Variants in TULP4 observed in about 807,000 individuals in gnomAD.
The protein encoded by TULP4 is TUB like protein 4.
Under a neutral mutation model 129.0 loss-of-function variants are expected in TULP4, and 16 were observed. The ratio of observed to expected loss-of-function variants is 0.12; its 90% CI spans 0.08 to 0.19. The LOEUF is 0.19. Among genes scored for constraint, TULP4 ranks in the 10% least tolerant of loss-of-function variants. The pLI is 1.00. For missense variants in TULP4, 1,842 were observed against 2,059.1 expected, an observed-to-expected ratio of 0.89 and a Z score of 2.04; for synonymous variants, 998 against 854.0, an observed-to-expected ratio of 1.17 and a Z score of -2.94.
At chr6:158,436,484 A>T (rs990835044) in intron 3 of TULP4, among the ~76,000 whole-genome samples, 1 of 152,186 alleles carries the variant, frequency 6.6e-6, no homozygotes, top group Non-Finnish European at 1.5e-5. Flanking sequence ...TGAAAACATG[A>T]TTATATTTTA....
chr6:158,296,331 G>A (rs553769873), intron 1 of TULP4, among the ~76,000 whole-genome samples: 21 of 151,078 alleles, frequency 1.4e-4, no homozygotes, highest in East Asian at 3.9e-4. Context: ...CATAAGTGTC[G>A]GCCAGCTGAG....
intron 1 of TULP4, among the ~76,000 whole-genome samples, chr6:158,354,210 G>A (rs1341163689): frequency 2.6e-5 from 2 of 76,872 alleles, no homozygotes; most frequent in Non-Finnish European, 5.3e-5. Flanking sequence ...CTCCTTGGAG[G>A]AAGGTATTTA....
At chr6:158,274,503 G>A (rs753668769) in intron 1 of TULP4, among the ~76,000 whole-genome samples, 7 of 152,120 alleles carry the variant, frequency 4.6e-5, no homozygotes, top group East Asian at 3.9e-4. Flanking sequence ...GCGGCCGGGC[G>A]CAGTGGCTCA....
At chr6:158,439,947 G>A (rs532287548) in intron 3 of TULP4, among the ~76,000 whole-genome samples, 19 of 151,482 alleles carry the variant, frequency 1.3e-4, no homozygotes, top group Non-Finnish European at 2.4e-4. Flanking sequence ...TCCTGACCTC[G>A]TGATCTGCCC....
At chr6:158,339,558 T>G (rs1224087873) in intron 1 of TULP4, among the ~76,000 whole-genome samples, 2 of 152,136 alleles carry the variant, frequency 1.3e-5, no homozygotes, top group Admixed American at 6.5e-5. Flanking sequence ...GGGTGGCCAT[T>G]TTAGAGGCCC....
intron 6 of TULP4, among the ~76,000 whole-genome samples, chr6:158,474,046 C>T (rs1273482603): frequency 6.6e-6 from 1 of 150,636 alleles, no homozygotes; most frequent in Non-Finnish European, 1.5e-5. Flanking sequence ...GTCTTGAATT[C>T]CTTGCCTCAA....
chr6:158,403,083 C>T (rs970988717), intron 1 of TULP4, among the ~76,000 whole-genome samples: 4 of 152,224 alleles, frequency 2.6e-5, no homozygotes, highest in Non-Finnish European at 5.9e-5. Flanking sequence ...CATCAATTGC[C>T]GGAACGCTGA....
At chr6:158,401,335 A>G (rs1777843534) in intron 1 of TULP4, among the ~76,000 whole-genome samples, 1 of 152,232 alleles carries the variant, frequency 6.6e-6, no homozygotes, top group South Asian at 2.1e-4. Context: ...CGGCCTCCCA[A>G]AGTGGTAGAA....
At chr6:158,396,001 C>T (rs977140019) in intron 1 of TULP4, among the ~76,000 whole-genome samples, 1 of 152,094 alleles carries the variant, frequency 6.6e-6, no homozygotes, top group Non-Finnish European at 1.5e-5. Context: ...AGCTCTTGAC[C>T]CAGATTGCCT....
At position 158,448,981 on chromosome 6, in the gene TULP4, C is replaced by T; in HGVS notation, c.544-15C>T. The T allele has an allele frequency of 6.3e-7, 1 of 1,594,446 alleles. No individual in the cohort carries two copies. Among genetic ancestry groups the T allele is most frequent in the Non-Finnish European group, 8.6e-7 (1 of 1,166,726 alleles). Reference sequence around the variant, plus strand: ...TTGCTGCCACTTGGTCAGAGGTCCCCATCCTGGATTGCAGGTGCTGTTTGG... The same window carrying T: ...TTGCTGCCACTTGGTCAGAGGTCCCTATCCTGGATTGCAGGTGCTGTTTGG... On this transcript the variant is annotated splice_polypyrimidine_tract_variant and intron_variant, in intron 3 of 13. Coordinates refer to ENST00000367097, the MANE Select transcript of TULP4 (RefSeq NM_020245.5).
chr6:158,461,703 A>G lies in TULP4; in HGVS notation c.1000A>G (p.Ile334Val), dbSNP rs1262375941. Residue 334 changes from isoleucine (I) to valine (V), a missense_variant, in exon 6 of 14, where the codon ATC (isoleucine) becomes GTC (valine). Physicochemically the swap from Ile to Val is conservative, Grantham distance 29 (BLOSUM62 3). Transcript: ENST00000367097. The part of the protein sequence containing the change: ...VKFYNVRGEH[I>V]FTLDTLVQRP... ...GTTCTACAATGTTCGTGGGGAGCACATCTTCACACTGGACACTCTCGTGCA... is the reference window on the plus strand; with the variant it reads ...GTTCTACAATGTTCGTGGGGAGCACGTCTTCACACTGGACACTCTCGTGCA... 8 of 1,614,232 alleles carry G rather than the reference A, an allele frequency of 5.0e-6. No homozygotes were observed. Among genetic ancestry groups the G allele is most frequent in the Non-Finnish European group, 6.8e-6 (8 of 1,180,044 alleles).
At chr6:158,343,442 A>G (rs1780232003) in intron 1 of TULP4, among the ~76,000 whole-genome samples, 1 of 152,182 alleles carries the variant, frequency 6.6e-6, no homozygotes, top group African/African-American at 2.4e-5. Context: ...AATTCAGCTT[A>G]AACCTTAACC....
chr6:158,507,403 C>A lies in TULP4; in HGVS notation c.*709C>A, dbSNP rs1780630281. On this transcript the variant is annotated 3_prime_UTR_variant, in exon 14 of 14. Coordinates refer to ENST00000367097, the MANE Select transcript of TULP4 (RefSeq NM_020245.5). The stretch of plus-strand genomic sequence containing the variant: ...CTCTGCAGACAGCAATGTGACTCAG[C>A]GTGTGACTTGTAGCAGCAGTACGAG... 6.6e-6 allele frequency: 1 copy of A among 152,370 alleles called. No homozygotes were observed. The highest frequency in any genetic ancestry group is 2.1e-4 in the South Asian group (1 of 4,840). 9.4% of individuals were successfully genotyped at this position (152,370 alleles called of 1,614,324 possible).
chr6:158,261,524 C>T (rs1443732923), intron 1 of TULP4, among the ~76,000 whole-genome samples: 4 of 152,242 alleles, frequency 2.6e-5, no homozygotes, highest in Admixed American at 2.0e-4. Context: ...TCTTGGGCTT[C>T]AAGGGTAAGA....
chr6:158,332,928 T>TAC (rs960265430), intron 1 of TULP4, among the ~76,000 whole-genome samples: 3 of 152,180 alleles, frequency 2.0e-5, no homozygotes, highest in South Asian at 2.1e-4. Flanking sequence ...TAAACTGACA[T>TAC]ACACACACAC....
chr6:158,385,842 C>CTTTTTTTTTTTTTTTTTTT (rs778595442), intron 1 of TULP4, among the ~76,000 whole-genome samples: 1,364 of 59,544 alleles, frequency 0.023, 348 homozygotes, highest in Non-Finnish European at 0.031. Context: ...TGTGGAATAT[C>CTTTTTTTTTTTTTTTTTTT]TTTTTTTTTT....
rs1355213958 is a variant in TULP4 at position 158,502,712 on chromosome 6, G to A, written c.3049G>A (p.Gly1017Ser). The A allele has an allele frequency of 1.9e-6, 3 of 1,561,622 alleles. No homozygotes were observed. The African/African-American group carries it at 4.0e-5, about 21-fold the overall frequency. ...APLQPLAKSKGGPGGVVTQLP... is the reference protein window; with the variant it reads ...APLQPLAKSKSGPGGVVTQLP... ...CCTGCAGCCCCTGGCCAAGTCCAAG[G>A]GCGGGCCCGGGGGGGTGGTGACACA... The change falls in exon 13 of 14, where the codon GGC becomes AGC. Residue 1017 changes from glycine to serine, a missense_variant. Around this residue, in one of 5 missense-constraint regions of TULP4, gnomAD observed 1,089 missense variants for 987.1 expected, o/e 1.10. Coordinates refer to ENST00000367097, the MANE Select transcript of TULP4 (RefSeq NM_020245.5).
chr6:158,311,536 G>A (rs1047669169), upstream of TULP4, among the ~76,000 whole-genome samples: 12 of 152,160 alleles, frequency 7.9e-5, no homozygotes, highest in Non-Finnish European at 1.5e-4. Flanking sequence ...AAACAGCTGC[G>A]CTTTGCTCCG....
intron 1 of TULP4, among the ~76,000 whole-genome samples, chr6:158,254,384 C>G (rs990696197): frequency 6.6e-6 from 1 of 152,186 alleles, no homozygotes; most frequent in Non-Finnish European, 1.5e-5. Flanking sequence ...CTCAAGTGAT[C>G]TACCAGCCTT....
Sources: allele counts gnomAD v4.1 joint callset (sites outside exome capture counted in the v4.1 genomes callset), GRCh38; gene constraint gnomAD v4.1.1; regional missense constraint gnomAD v4.1.1; transcripts MANE v1.5; gene names NCBI Gene and HGNC (gene_info 2026-07-23, HGNC 2026-07-21).